The following NTPCR variants were observed in gnomAD, a reference collection of about 807,000 sequenced individuals.
The protein encoded by NTPCR is nucleoside-triphosphatase, cancer-related.
A neutral mutation model predicts 19.5 loss-of-function variants in NTPCR; 15 were observed. The ratio of observed to expected loss-of-function variants is 0.77; its 90% confidence interval spans 0.51 to 1.18. NTPCR has a LOEUF of 1.18. NTPCR is among the 50% of genes most tolerant of loss of function. NTPCR has a pLI of 0.00. For missense variants in NTPCR, 206 were observed against 240.4 expected, an observed-to-expected ratio of 0.86 and a Z score of 0.95; for synonymous variants, 90 against 95.8, an observed-to-expected ratio of 0.94 and a Z score of 0.36.
chr1:232,958,774 A>G (rs1022916507), intron 3 of NTPCR, among the ~76,000 whole-genome samples: 5 of 152,196 alleles, frequency 3.3e-5, no homozygotes, highest in Non-Finnish European at 7.3e-5. Flanking sequence ...TAAATGTTCA[A>G]AAGTCAAGTG....
rs1049377263 is a variant in NTPCR, at chr1:232,980,999, A to G, written c.*2768A>G. On this transcript the variant is annotated 3_prime_UTR_variant, in exon 5 of 5. Coordinates refer to ENST00000366628, the MANE Select transcript of NTPCR (RefSeq NM_032324.3). ...AGGAATTCAATTTGAAAAGCACAGA[A>G]TTAACATGTATTGCTTATATGAAGA... is the stretch of plus-strand genomic sequence containing the variant. The G allele has an allele frequency of 2.6e-5, 4 of 152,228 alleles. No individual in the cohort carries two copies. Among genetic ancestry groups the G allele is most frequent in the African/African-American group, 9.6e-5 (4 of 41,462 alleles). 9.4% of individuals were successfully genotyped at this position (152,228 alleles called of 1,614,324 possible).
chr1:232,953,314 A>G (rs938404903), intron 1 of NTPCR, among the ~76,000 whole-genome samples: 1 of 152,204 alleles, frequency 6.6e-6, no homozygotes, highest in Non-Finnish European at 1.5e-5. Flanking sequence ...GTATACAGCT[A>G]TCATCTCGAG....
rs1430897927 is a variant in NTPCR, at chr1:232,980,437, T to G, written c.*2206T>G. The G allele has an allele frequency of 6.6e-6, 1 of 152,212 alleles. No homozygotes were observed. Among genetic ancestry groups the G allele is most frequent in the Admixed American group, 6.5e-5 (1 of 15,288 alleles). 9.4% of individuals were successfully genotyped at this position (152,212 alleles called of 1,614,324 possible). On this transcript the variant is annotated 3_prime_UTR_variant, in exon 5 of 5. Transcript: ENST00000366628. Reference sequence around the variant, plus strand: ...CTCCCTGCTGCGTCCTTCTTGAGGCTTTAGCATTTTTAGTGTGTTTTGTGC... The same window carrying G: ...CTCCCTGCTGCGTCCTTCTTGAGGCGTTAGCATTTTTAGTGTGTTTTGTGC...
rs1669326288 is a variant in NTPCR, at chr1:232,983,148, C to G, written c.*4917C>G. 6.6e-6 allele frequency: 1 copy of G among 152,090 alleles called. No individual in the cohort carries two copies. The highest frequency in any genetic ancestry group is 1.5e-5 in the Non-Finnish European group (1 of 68,002). 9.4% of individuals were successfully genotyped at this position (152,090 alleles called of 1,614,324 possible). The stretch of plus-strand genomic sequence containing the variant: ...TCTCTACAATACCCTTCCCCCAACC[C>G]TCTCCTCAAATTTCCAAATCCTAAA... On this transcript the variant is annotated 3_prime_UTR_variant, in exon 5 of 5. Transcript: ENST00000366628.
chr1:232,969,333 A>G (rs1231086217), intron 3 of NTPCR: 2 of 155,152 alleles, frequency 1.3e-5, no homozygotes, highest in African/African-American at 4.8e-5. Context: ...TTTATATACA[A>G]CCAGAAAATA....
At position 232,981,554 on chromosome 1, in the gene NTPCR, A is replaced by G. The variant is rs1015475576; in HGVS notation, c.*3323A>G. ...ATTTTGTGGGCAAAGAAGTTGAAGC[A>G]TCGCATGATTTTAACAAATTACTTG... On this transcript the variant is annotated 3_prime_UTR_variant, in exon 5 of 5. Coordinates refer to ENST00000366628, the MANE Select transcript of NTPCR (RefSeq NM_032324.3). 3.3e-5 allele frequency: 5 copies of G among 152,216 alleles called. No individual in the cohort carries two copies. The highest frequency in any genetic ancestry group is 2.0e-4 in the Admixed American group (3 of 15,274). 9.4% of individuals were successfully genotyped at this position (152,216 alleles called of 1,614,324 possible). A position where few individuals can be genotyped will look rare whatever the true frequency, so the allele number is the denominator to read the frequency against.
intron 3 of NTPCR, chr1:232,963,557 A>G (rs1393903101): frequency 3.3e-5 from 5 of 151,988 alleles, no homozygotes; most frequent in African/African-American, 1.2e-4. Context: ...CATTTCCAGC[A>G]TTTCCTTCTG....
chr1:232,958,036 A>T (rs749162871), intron 3 of NTPCR, among the ~76,000 whole-genome samples: 5 of 152,204 alleles, frequency 3.3e-5, no homozygotes, highest in Non-Finnish European at 4.4e-5. Context: ...GAGCAGGAGC[A>T]GGTGAAGAAG....
chr1:232,957,458 T>C (rs935388981), intron 3 of NTPCR, among the ~76,000 whole-genome samples: 1 of 152,190 alleles, frequency 6.6e-6, no homozygotes, highest in African/African-American at 2.4e-5. Flanking sequence ...ATCTGAAGTA[T>C]CTAAGTTATT....
At chr1:232,973,776 A>G (rs897276123) in intron 4 of NTPCR, among the ~76,000 whole-genome samples, 1 of 152,278 alleles carries the variant, frequency 6.6e-6, no homozygotes, top group African/African-American at 2.4e-5. Flanking sequence ...ACAATAGCCA[A>G]TAAAAAAGTC....
intron 4 of NTPCR, among the ~76,000 whole-genome samples, chr1:232,971,724 G>A (rs757370981): frequency 1.3e-5 from 2 of 152,112 alleles, no homozygotes; most frequent in Non-Finnish European, 2.9e-5. Context: ...ACTGATAAAG[G>A]CAAAAATAAA....
At chr1:232,968,304 T>C (rs1668878427) in intron 3 of NTPCR, 2 of 152,200 alleles carry the variant, frequency 1.3e-5, no homozygotes, top group South Asian at 2.1e-4. Flanking sequence ...GCTAATAAAA[T>C]GAATGGAAAA....
intron 4 of NTPCR, among the ~76,000 whole-genome samples, chr1:232,974,277 A>G (rs978594504): frequency 6.6e-6 from 1 of 152,240 alleles, no homozygotes; most frequent in African/African-American, 2.4e-5. Context: ...TCATAATTCT[A>G]TAAGACATTC....
At chr1:232,962,832 G>C (rs1323859737) in intron 3 of NTPCR, 2 of 152,182 alleles carry the variant, frequency 1.3e-5, no homozygotes, top group Non-Finnish European at 2.9e-5. Flanking sequence ...TTCTGAAATA[G>C]GCTCTGCTTT....
intron 4 of NTPCR, 22 bp downstream of exon 4, chr1:232,970,140 TAA>T: frequency 6.3e-7 from 1 of 1,576,934 alleles, no homozygotes; most frequent in Middle Eastern, 2.0e-4. Flanking sequence ...CAGTCCTCCA[TAA>T]TCAGTGGAAA....
chr1:232,973,849 G>A (rs553031137), intron 4 of NTPCR, among the ~76,000 whole-genome samples: 1 of 152,260 alleles, frequency 6.6e-6, no homozygotes, highest in East Asian at 1.9e-4. Context: ...CTTGAAGGTA[G>A]AACAATAGAA....
chr1:232,983,090 G>T lies in NTPCR; in HGVS notation c.*4859G>T, dbSNP rs1669323410. ...GTTTACAAAAAAAAAAATTAGAAAAGCATTACCATTTACTTTCCAAGGGGC... is the reference window on the plus strand; with the variant it reads ...GTTTACAAAAAAAAAAATTAGAAAATCATTACCATTTACTTTCCAAGGGGC... On this transcript the variant is annotated 3_prime_UTR_variant, in exon 5 of 5. Coordinates refer to ENST00000366628, the MANE Select transcript of NTPCR (RefSeq NM_032324.3). 1 of 151,958 alleles carries T rather than the reference G, an allele frequency of 6.6e-6. No individual in the cohort carries two copies. The highest frequency in any genetic ancestry group is 1.5e-5 in the Non-Finnish European group (1 of 67,972). 9.4% of individuals were successfully genotyped at this position (151,958 alleles called of 1,614,324 possible).
chr1:232,966,593 TTTG>T (rs1294120738), intron 3 of NTPCR: 3 of 152,230 alleles, frequency 2.0e-5, no homozygotes, highest in African/African-American at 7.2e-5. Flanking sequence ...TACGAAGATA[TTTG>T]TTGTTCTAAT....
chr1:232,969,380 G>A (rs1668909595), intron 3 of NTPCR: 1 of 155,306 alleles, frequency 6.4e-6, no homozygotes, highest in Non-Finnish European at 1.4e-5. Context: ...AAAAAAGTGA[G>A]ACAGCAAGCA....
Sources: gnomAD v4.1 joint callset for allele counts (sites outside exome capture counted in the v4.1 genomes callset) on GRCh38, gnomAD v4.1.1 for gene constraint, MANE v1.5 for transcripts, NCBI Gene and HGNC (gene_info 2026-07-23, HGNC 2026-07-21) for gene names.